The following RRM2 variants were observed in gnomAD, a reference collection of about 807,000 sequenced individuals.
The protein encoded by RRM2 is ribonucleoside-diphosphate reductase subunit M2.
In RRM2, 6 loss-of-function variants were observed where a neutral mutation model predicts 45.9. That is an observed-to-expected ratio of 0.13 (90% CI 0.07 to 0.26). The LOEUF (loss-of-function observed/expected upper bound fraction) is 0.26, where lower values mean the gene tolerates loss of function less well. Ranked by LOEUF, RRM2 falls within the 10% of genes least tolerant of loss-of-function variation. The pLI, the probability that RRM2 is intolerant of heterozygous loss-of-function variation, is 1.00. For missense variants in RRM2, 343 were observed against 489.5 expected, an observed-to-expected ratio of 0.70 and a Z score of 2.82; for synonymous variants, 177 against 173.0, an observed-to-expected ratio of 1.02 and a Z score of -0.18.
chr2:10,131,857 G>T (rs1265578714), downstream of RRM2, among the ~76,000 whole-genome samples: 1 of 152,256 alleles, frequency 6.6e-6, no homozygotes, highest in Admixed American at 6.5e-5. Flanking sequence ...CACCCGAAAG[G>T]TGGTGCCCAA....
chr2:10,181,179 C>G (rs944990923), intron 3 of RRM2, among the ~76,000 whole-genome samples: 4 of 152,176 alleles, frequency 2.6e-5, no homozygotes, highest in African/African-American at 9.7e-5. Context: ...TCATTTAATT[C>G]TCATAATAGC....
intron 3 of RRM2, among the ~76,000 whole-genome samples, chr2:10,161,299 T>A: frequency 6.6e-6 from 1 of 152,186 alleles, no homozygotes; most frequent in Admixed American, 6.5e-5. Flanking sequence ...GCTCAAGTGA[T>A]CCACTTGTCT....
At chr2:10,175,272 G>A (rs1162362067) in intron 3 of RRM2, among the ~76,000 whole-genome samples, 3 of 152,166 alleles carry the variant, frequency 2.0e-5, no homozygotes, top group African/African-American at 7.2e-5. Flanking sequence ...TGATTCTATT[G>A]CCATAGAATA....
intron 3 of RRM2, among the ~76,000 whole-genome samples, chr2:10,202,062 G>C (rs1166210450): frequency 6.6e-6 from 1 of 152,138 alleles, no homozygotes; most frequent in Non-Finnish European, 1.5e-5. Flanking sequence ...TGCTCTAAGA[G>C]AAACCCACTG....
At chr2:10,132,277 G>GC (rs1354129806), downstream of RRM2, among the ~76,000 whole-genome samples, 1 of 152,172 alleles carries the variant, frequency 6.6e-6, no homozygotes, top group African/African-American at 2.4e-5. Context: ...CAGAGGGGAG[G>GC]CCCCTCCCTC....
Position 10,186,784 on chromosome 2 carries a change from G to A in RRM2, n.483-23527G>A, listed in dbSNP as rs1185792481. Among the ~76,000 whole-genome samples the A allele has an allele frequency of 7.2e-5, 11 of 152,340 alleles. No homozygotes were observed. In the South Asian group the frequency reaches 1.7e-3, roughly 23 times the overall value. On this transcript the variant is annotated intron_variant and non_coding_transcript_variant, in intron 3 of 3. Coordinates refer to the RRM2 transcript ENST00000381786. ...TACTTACCACCCCTGCCTGAAGCAG[G>A]GTGGGGCCAAGGGATTGGCTGGACC... is the stretch of plus-strand genomic sequence containing the variant.
chr2:10,139,304 TTATTATTG>T (rs1434688047), upstream of RRM2, among the ~76,000 whole-genome samples: 1 of 152,154 alleles, frequency 6.6e-6, no homozygotes, highest in Non-Finnish European at 1.5e-5. Flanking sequence ...AAAGTAGAAG[TTATTATTG>T]GCAAAGGCAC....
intron 3 of RRM2, among the ~76,000 whole-genome samples, chr2:10,173,680 T>G (rs1161090287): frequency 6.6e-6 from 1 of 152,254 alleles, no homozygotes; most frequent in African/African-American, 2.4e-5. Flanking sequence ...GCACCCCCGA[T>G]GCACAGTCTC....
At chr2:10,125,979 G>C (rs1662769032) in intron 5 of RRM2, among the ~76,000 whole-genome samples, 1 of 151,986 alleles carries the variant, frequency 6.6e-6, no homozygotes, top group Non-Finnish European at 1.5e-5. Context: ...AGGTCTCAGA[G>C]AGAGGGACAG....
intron 5 of RRM2, among the ~76,000 whole-genome samples, chr2:10,125,664 C>T (rs553581707): frequency 2.0e-5 from 3 of 151,854 alleles, no homozygotes; most frequent in East Asian, 3.9e-4. Flanking sequence ...AGCAAGACTC[C>T]GTCTCAAAAA....
rs1662711348 is a variant in RRM2, at chr2:10,123,403, C to T, written c.191C>T (p.Ala64Val). ...EPTEPKTKAA[A>V]PGVEDEPLLR... Reference sequence around the variant, plus strand: ...CCCCAACAGAAAACTAAAGCAGCTGCCCCCGGCGTGGAGGATGAGCCGCTG... The same window carrying T: ...CCCCAACAGAAAACTAAAGCAGCTGTCCCCGGCGTGGAGGATGAGCCGCTG... Residue 64 changes from alanine (A) to valine (V), a missense_variant, in exon 3 of 10, where the codon GCC (alanine) becomes GTC (valine). Ala to Val is a moderately conservative substitution (Grantham distance 64). Coordinates refer to ENST00000304567, the MANE Select transcript of RRM2 (RefSeq NM_001034.4). 1.9e-6 allele frequency: 3 copies of T among 1,603,418 alleles called. No individual in the cohort carries two copies. The highest frequency in any genetic ancestry group is 1.4e-5 in the African/African-American group (1 of 73,948).
intron 3 of RRM2, among the ~76,000 whole-genome samples, chr2:10,159,047 T>C (rs4669543): frequency 0.2 from 31,029 of 152,020 alleles, 3,680 homozygotes; most frequent in South Asian, 0.35. Context: ...TCACACTCTC[T>C]TGTCAAGAGG....
chr2:10,123,079 G>GA, intron 2 of RRM2, 22 bp downstream of exon 2: 1 of 1,539,162 alleles, frequency 6.5e-7, no homozygotes, highest in Admixed American at 1.9e-5. Context: ...GCGTGGGGCA[G>GA]AGGGGCCAGG....
At chr2:10,189,825 T>C (rs1219344085) in intron 3 of RRM2, among the ~76,000 whole-genome samples, 1 of 152,268 alleles carries the variant, frequency 6.6e-6, no homozygotes, top group African/African-American at 2.4e-5. Flanking sequence ...TCAACTCTGA[T>C]TCATCTTGAC....
chr2:10,157,016 C>CCTT (rs1553324705), intron 3 of RRM2, among the ~76,000 whole-genome samples: 1 of 85,934 alleles, frequency 1.2e-5, no homozygotes, highest in South Asian at 4.5e-4. Context: ...CAGCCCATTT[C>CCTT]TTTTTTTTTT....
chr2:10,156,693 C>T (rs1364053938), intron 3 of RRM2, among the ~76,000 whole-genome samples: 1 of 152,234 alleles, frequency 6.6e-6, no homozygotes, highest in Non-Finnish European at 1.5e-5. Flanking sequence ...GGCTGGAGTG[C>T]AGTGGTGCAA....
intron 1 of RRM2, chr2:10,141,837 T>C (rs1294719396): frequency 1.3e-6 from 2 of 1,553,142 alleles, no homozygotes; most frequent in African/African-American, 2.7e-5. Flanking sequence ...TGAGCCCTCC[T>C]GTATGCACTG....
At chr2:10,194,898 C>T (rs1480374211) in intron 3 of RRM2, among the ~76,000 whole-genome samples, 1 of 152,204 alleles carries the variant, frequency 6.6e-6, no homozygotes, top group Admixed American at 6.5e-5. Flanking sequence ...TCTGAGGCTG[C>T]CTTGTGCCTG....
upstream of RRM2, among the ~76,000 whole-genome samples, chr2:10,139,371 A>G (rs1399621937): frequency 5.9e-5 from 9 of 152,348 alleles, no homozygotes; most frequent in South Asian, 1.4e-3. Context: ...GCAGCAGAGG[A>G]TGGGTCTTCC....
Sources: allele counts gnomAD v4.1 joint callset (sites outside exome capture counted in the v4.1 genomes callset), GRCh38; gene constraint gnomAD v4.1.1; transcripts MANE v1.5; gene names NCBI Gene and HGNC (gene_info 2026-07-23, HGNC 2026-07-21).